The following GPC5 variants were observed in gnomAD, a reference collection of about 807,000 sequenced individuals.
The protein encoded by GPC5 is glypican-5.
In GPC5, 47 loss-of-function variants were observed where a neutral mutation model predicts 53.9. The ratio of observed to expected loss-of-function variants is 0.87; its 90% CI spans 0.69 to 1.11. The LOEUF is 1.11. Ranked by LOEUF, GPC5 falls within the 50% of genes most tolerant of loss-of-function variation. The pLI is 0.00. For missense variants in GPC5, 748 were observed against 713.1 expected, an observed-to-expected ratio of 1.05 and a Z score of -0.56; for synonymous variants, 286 against 263.3, an observed-to-expected ratio of 1.09 and a Z score of -0.84.
rs2040576781 is a variant in GPC5 at position 92,003,559 on chromosome 13, A to C, written c.1401+95502A>C. ...AATATAACATTTAACAGATTATAGG[A>C]TGTCAGTATTTCAAATCTAGTAAGG... On this transcript the variant is annotated intron_variant, in intron 6 of 7. Transcript: ENST00000377067. 2.0e-5 allele frequency among the ~76,000 whole-genome samples: 3 copies of C among 152,232 alleles called. No homozygotes were observed. In the South Asian group the frequency reaches 6.2e-4, roughly 32 times the overall value.
intron 7 of GPC5, among the ~76,000 whole-genome samples, chr13:92,147,117 C>A (rs2041872954): frequency 6.7e-6 from 1 of 149,498 alleles, no homozygotes; most frequent in Non-Finnish European, 1.5e-5. Context: ...TACTTTATTA[C>A]ATTTTTATCA....
intron 3 of GPC5, among the ~76,000 whole-genome samples, chr13:91,704,478 C>T (rs554541411): frequency 6.6e-6 from 1 of 152,316 alleles, no homozygotes; most frequent in Non-Finnish European, 1.5e-5. Context: ...TCATGGGGCC[C>T]CCAGGATCAG....
At chr13:91,699,591 A>G (rs2139848753) in intron 3 of GPC5, among the ~76,000 whole-genome samples, 1 of 152,326 alleles carries the variant, frequency 6.6e-6, no homozygotes. Flanking sequence ...CTGGGAATTG[A>G]CAAAGAAAAA....
At chr13:92,270,842 A>G (rs2042834737) in intron 7 of GPC5, among the ~76,000 whole-genome samples, 2 of 152,238 alleles carry the variant, frequency 1.3e-5, no homozygotes, top group African/African-American at 4.8e-5. Flanking sequence ...CATTAGAGTT[A>G]CATTTGCAAA....
intron 2 of GPC5, among the ~76,000 whole-genome samples, chr13:91,462,207 A>G (rs1020027171): frequency 6.6e-6 from 1 of 152,110 alleles, no homozygotes; most frequent in Non-Finnish European, 1.5e-5. Flanking sequence ...CCTTCTCCAA[A>G]TGAGAATATA....
chr13:92,120,384 G>A (rs542752756), intron 6 of GPC5, among the ~76,000 whole-genome samples: 2 of 152,016 alleles, frequency 1.3e-5, no homozygotes, highest in Admixed American at 1.3e-4. Context: ...CAGCCTCCTG[G>A]GTAGCTGGGA....
intron 7 of GPC5, among the ~76,000 whole-genome samples, chr13:92,444,571 G>T (rs1256160229): frequency 6.6e-6 from 1 of 152,002 alleles, no homozygotes; most frequent in Admixed American, 6.6e-5. Flanking sequence ...AACAAACCAA[G>T]TGGTAATACA....
intron 7 of GPC5, among the ~76,000 whole-genome samples, chr13:92,430,010 G>A (rs577421156): frequency 5.3e-5 from 8 of 151,584 alleles, no homozygotes; most frequent in East Asian, 3.9e-4. Flanking sequence ...GTGAGGTAAC[G>A]CATATGTTAT....
chr13:92,566,558 G>C (rs1317608427), intron 7 of GPC5, among the ~76,000 whole-genome samples: 1 of 152,052 alleles, frequency 6.6e-6, no homozygotes, highest in Non-Finnish European at 1.5e-5. Flanking sequence ...TGGATTTTAA[G>C]TCAGTCCAGC....
At chr13:92,412,028 G>T (rs1209118536) in intron 7 of GPC5, among the ~76,000 whole-genome samples, 1 of 152,112 alleles carries the variant, frequency 6.6e-6, no homozygotes, top group Non-Finnish European at 1.5e-5. Flanking sequence ...CACACAAATA[G>T]ATTATTAACC....
intron 6 of GPC5, among the ~76,000 whole-genome samples, chr13:91,971,701 T>G (rs2040243821): frequency 6.6e-6 from 1 of 152,208 alleles, no homozygotes; most frequent in South Asian, 2.1e-4. Context: ...ACATCTTTAT[T>G]TCTGCCTTCA....
At chr13:92,625,561 A>T (rs1255660267) in intron 7 of GPC5, among the ~76,000 whole-genome samples, 1 of 152,180 alleles carries the variant, frequency 6.6e-6, no homozygotes, top group East Asian at 1.9e-4. Flanking sequence ...GAACAAGTAA[A>T]TTTGTCCTGG....
intron 6 of GPC5, among the ~76,000 whole-genome samples, chr13:92,110,495 A>G (rs1477586313): frequency 2.0e-5 from 3 of 152,016 alleles, no homozygotes; most frequent in Non-Finnish European, 4.4e-5. Flanking sequence ...TTTCCTTTCC[A>G]CTAGAAATGC....
intron 2 of GPC5, among the ~76,000 whole-genome samples, chr13:91,533,906 T>C (rs1886465271): frequency 6.6e-6 from 1 of 152,134 alleles, no homozygotes; most frequent in African/African-American, 2.4e-5. Context: ...AAAATTGGGG[T>C]TGGGGATATT....
At chr13:92,432,852 C>T (rs374085152) in intron 7 of GPC5, among the ~76,000 whole-genome samples, 3 of 151,870 alleles carry the variant, frequency 2.0e-5, no homozygotes, top group Non-Finnish European at 2.9e-5. Context: ...CTTTTCCTTT[C>T]CTTTTGTATG....
chr13:91,603,816 T>A (rs1325327088), intron 2 of GPC5, among the ~76,000 whole-genome samples: 2 of 152,192 alleles, frequency 1.3e-5, no homozygotes, highest in African/African-American at 2.4e-5. Flanking sequence ...TAGATAAAGA[T>A]CTATCTATCT....
intron 7 of GPC5, among the ~76,000 whole-genome samples, chr13:92,226,585 A>G (rs1478505580): frequency 1.3e-5 from 2 of 152,116 alleles, no homozygotes; most frequent in African/African-American, 4.8e-5. Flanking sequence ...TGAGAGACTC[A>G]GAGTAGTGAC....
At chr13:91,825,267 C>A (rs2038559314) in intron 5 of GPC5, among the ~76,000 whole-genome samples, 1 of 152,068 alleles carries the variant, frequency 6.6e-6, no homozygotes, top group African/African-American at 2.4e-5. Context: ...GCCCAAGCAG[C>A]AGTATCTCTC....
chr13:92,269,974 G>A (rs751119090), intron 7 of GPC5, among the ~76,000 whole-genome samples: 9 of 152,046 alleles, frequency 5.9e-5, no homozygotes, highest in East Asian at 1.9e-4. Context: ...TATATCCTCC[G>A]AGTGATTTTG....
Sources: gnomAD v4.1 joint callset for allele counts (sites outside exome capture counted in the v4.1 genomes callset) on GRCh38, gnomAD v4.1.1 for gene constraint, MANE v1.5 for transcripts, NCBI Gene and HGNC (gene_info 2026-07-23, HGNC 2026-07-21) for gene names.